COMMD1: variants seen among roughly 807,000 people sequenced by gnomAD.
COMMD1 encodes the protein COMM domain-containing protein 1.
A neutral mutation model predicts 17.2 loss-of-function variants in COMMD1; 10 were observed. The observed-to-expected ratio is 0.58, with a 90% CI of 0.36 to 0.99. COMMD1 has a LOEUF of 0.99. COMMD1 is among the 50% of genes least tolerant of loss of function. The probability of loss-of-function intolerance (pLI) is 0.01; values close to 1 mark genes in which losing one functional copy is unlikely to be tolerated. For synonymous variants in COMMD1, 97 were observed against 91.6 expected, an observed-to-expected ratio of 1.06 and a Z score of -0.34; for missense variants, 270 against 231.8, an observed-to-expected ratio of 1.17 and a Z score of -1.07.
intron 2 of COMMD1, among the ~76,000 whole-genome samples, chr2:62,004,272 G>T (rs1385347017): frequency 6.6e-6 from 1 of 152,162 alleles, no homozygotes; most frequent in Non-Finnish European, 1.5e-5. Context: ...CAATGAAAAT[G>T]ATTGATATTG....
chr2:61,987,517 C>T (rs1340911390), intron 1 of COMMD1, among the ~76,000 whole-genome samples: 1 of 152,132 alleles, frequency 6.6e-6, no homozygotes, highest in Non-Finnish European at 1.5e-5. Context: ...TTGTTCTCTT[C>T]CCTTTTTCCC....
At chr2:62,020,973 A>C (rs367759735) in intron 2 of COMMD1, among the ~76,000 whole-genome samples, 1 of 152,038 alleles carries the variant, frequency 6.6e-6, no homozygotes, top group East Asian at 1.9e-4. Flanking sequence ...ATTGCACTCC[A>C]GCCTGTGCAA....
chr2:62,032,694 T>C (rs893338401), intron 2 of COMMD1, among the ~76,000 whole-genome samples: 1 of 152,228 alleles, frequency 6.6e-6, no homozygotes, highest in African/African-American at 2.4e-5. Flanking sequence ...CCCTTGCTGC[T>C]CTTTTTCTGT....
At chr2:62,079,484 G>T (rs1671456812) in intron 2 of COMMD1, among the ~76,000 whole-genome samples, 1 of 152,168 alleles carries the variant, frequency 6.6e-6, no homozygotes, top group Admixed American at 6.5e-5. Context: ...TTATCAATCT[G>T]TTCCCTTCAC....
At chr2:61,980,568 T>C (rs1671926618) in intron 1 of COMMD1, among the ~76,000 whole-genome samples, 1 of 140,076 alleles carries the variant, frequency 7.1e-6, no homozygotes, top group African/African-American at 2.8e-5. Flanking sequence ...TGTCTGTTCA[T>C]GTCCTTCGCC....
intron 1 of COMMD1, among the ~76,000 whole-genome samples, chr2:61,981,707 G>A (rs1471586460): frequency 6.6e-6 from 1 of 152,144 alleles, no homozygotes; most frequent in African/African-American, 2.4e-5. Context: ...ATGAGAGCTT[G>A]TGCAGGGAAA....
intron 1 of COMMD1, among the ~76,000 whole-genome samples, chr2:61,916,344 C>T (rs182152177): frequency 6.6e-6 from 1 of 152,138 alleles, no homozygotes; most frequent in Non-Finnish European, 1.5e-5. Context: ...CAATATACTA[C>T]TATGTTTAGC....
chr2:62,044,994 A>C (rs1670340337), intron 2 of COMMD1, among the ~76,000 whole-genome samples: 1 of 152,212 alleles, frequency 6.6e-6, no homozygotes, highest in South Asian at 2.1e-4. Flanking sequence ...CACAGACAAA[A>C]ATCAATTCAC....
At chr2:62,002,491 GAAAAAAAAAAAA>G (rs11310507) in intron 2 of COMMD1, among the ~76,000 whole-genome samples, 60 of 35,092 alleles carry the variant, frequency 1.7e-3, no homozygotes, top group Non-Finnish European at 1.9e-3. Context: ...GATTCCACCA[GAAAAAAAAAAAA>G]AAAAAAAAAA....
chr2:62,082,023 G>A (rs1558590961), intron 2 of COMMD1, among the ~76,000 whole-genome samples: 1 of 152,084 alleles, frequency 6.6e-6, no homozygotes, highest in Non-Finnish European at 1.5e-5. Context: ...GTTAGAAAAT[G>A]TCATTGAAAT....
At chr2:62,012,083 A>C (rs997030038) in intron 2 of COMMD1, among the ~76,000 whole-genome samples, 1 of 152,024 alleles carries the variant, frequency 6.6e-6, no homozygotes, top group Non-Finnish European at 1.5e-5. Flanking sequence ...CTCCGTCTCT[A>C]CTAAAAAATA....
chr2:62,009,707 T>G (rs1227026345), intron 2 of COMMD1, among the ~76,000 whole-genome samples: 1 of 152,062 alleles, frequency 6.6e-6, no homozygotes, highest in Non-Finnish European at 1.5e-5. Flanking sequence ...AATCTAAAAC[T>G]TATTATTGAA....
intron 1 of COMMD1, among the ~76,000 whole-genome samples, chr2:61,974,453 C>T (rs1456615105): frequency 6.6e-6 from 1 of 151,558 alleles, no homozygotes; most frequent in Non-Finnish European, 1.5e-5. Flanking sequence ...GCAGGTGGAT[C>T]ACTAGGTCAG....
chr2:61,905,917 G>A, intron 1 of COMMD1, 59 bp downstream of exon 1: 2 of 1,556,276 alleles, frequency 1.3e-6, no homozygotes, highest in Non-Finnish European at 1.8e-6. Context: ...GCTGGCTTCA[G>A]ACTCTCCCCC....
chr2:62,133,225 C>G (rs867483547), intron 2 of COMMD1, among the ~76,000 whole-genome samples: 5 of 152,198 alleles, frequency 3.3e-5, no homozygotes, highest in Non-Finnish European at 5.9e-5. Context: ...ACTTATTTCT[C>G]CTTGGGAGAT....
At chr2:61,920,981 A>ATTTTTT (rs61439372) in intron 1 of COMMD1, among the ~76,000 whole-genome samples, 1 of 141,400 alleles carries the variant, frequency 7.1e-6, no homozygotes, top group African/African-American at 2.7e-5. Flanking sequence ...ATATATATAT[A>ATTTTTT]TTTTTTTTTT....
chr2:61,929,667 C>T (rs1670414157), intron 1 of COMMD1, among the ~76,000 whole-genome samples: 1 of 152,212 alleles, frequency 6.6e-6, no homozygotes, highest in African/African-American at 2.4e-5. Flanking sequence ...TGCACTGGCT[C>T]ACACCTGTAA....
At chr2:61,996,409 GTGGTGAT>G (rs1231312854) in intron 1 of COMMD1, among the ~76,000 whole-genome samples, 1 of 151,766 alleles carries the variant, frequency 6.6e-6, no homozygotes, top group African/African-American at 2.4e-5. Flanking sequence ...ACTGATCAGA[GTGGTGAT>G]TGCTGAAAGT....
rs112752824 is a variant in COMMD1, at chr2:62,103,073, G to A, written c.463-32758G>A. Among the ~76,000 whole-genome samples, 908 of 151,920 alleles carry A rather than the reference G, an allele frequency of 6.0e-3. 9 individuals are homozygous for A. The highest frequency in any genetic ancestry group is 9.1e-3 in the Non-Finnish European group (620 of 67,940). On this transcript the variant is annotated intron_variant, in intron 2 of 2. Coordinates refer to ENST00000311832, the MANE Select transcript of COMMD1 (RefSeq NM_152516.4). ...CGCTCACTGCAAGCTGCGCCTCCTG[G>A]GTTCAGGCCATTCTCCTGCCTCAGC...
Sources: gnomAD v4.1 joint callset for allele counts (sites outside exome capture counted in the v4.1 genomes callset) on GRCh38, gnomAD v4.1.1 for gene constraint, MANE v1.5 for transcripts, NCBI Gene and HGNC (gene_info 2026-07-23, HGNC 2026-07-21) for gene names.